Variants in SLC4A4 observed in about 807,000 individuals in gnomAD.
The protein encoded by SLC4A4 is solute carrier family 4 member 4, also known as electrogenic sodium bicarbonate cotransporter 1.
A neutral mutation model predicts 111.5 loss-of-function variants in SLC4A4; 27 were observed. The ratio of observed to expected loss-of-function variants is 0.24; its 90% CI spans 0.18 to 0.33. The LOEUF is 0.33. Ranked by LOEUF, SLC4A4 falls within the 10% of genes least tolerant of loss-of-function variation. The pLI is 1.00. For missense variants in SLC4A4, 909 were observed against 1,315.5 expected, an observed-to-expected ratio of 0.69 and a Z score of 4.78; for synonymous variants, 443 against 463.4, an observed-to-expected ratio of 0.96 and a Z score of 0.57.
intron 4 of SLC4A4, among the ~76,000 whole-genome samples, chr4:71,343,918 G>C (rs1380030989): frequency 6.6e-6 from 1 of 151,792 alleles, no homozygotes; most frequent in Non-Finnish European, 1.5e-5. Flanking sequence ...TGTCTTCCCT[G>C]AACCCCCACA....
chr4:71,438,926 A>G (rs1238587091), intron 7 of SLC4A4, among the ~76,000 whole-genome samples: 1 of 152,112 alleles, frequency 6.6e-6, no homozygotes, highest in Non-Finnish European at 1.5e-5. Context: ...ATTTGATGGA[A>G]TCTTTTCACT....
chr4:71,089,607 C>T (rs997292865), intron 1 of SLC4A4, among the ~76,000 whole-genome samples: 7 of 151,988 alleles, frequency 4.6e-5, no homozygotes, highest in Non-Finnish European at 1.0e-4. Flanking sequence ...GTTAGTTTTC[C>T]TTCTAACAGT....
At chr4:71,356,450 A>G (rs1350211571) in intron 5 of SLC4A4, among the ~76,000 whole-genome samples, 1 of 152,220 alleles carries the variant, frequency 6.6e-6, no homozygotes, top group Non-Finnish European at 1.5e-5. Context: ...AGAAAAGACT[A>G]CAACATAATT....
chr4:71,370,637 A>C (rs1189983284), intron 6 of SLC4A4, among the ~76,000 whole-genome samples: 2 of 152,244 alleles, frequency 1.3e-5, no homozygotes, highest in Non-Finnish European at 2.9e-5. Context: ...GTGAGAATTA[A>C]ATTAGAAATA....
At chr4:71,086,183 A>G (rs1295393554) in intron 1 of SLC4A4, among the ~76,000 whole-genome samples, 4 of 151,604 alleles carry the variant, frequency 2.6e-5, no homozygotes, top group Middle Eastern at 3.4e-3. Context: ...ATGGGAGTTC[A>G]CTCATGATTT....
At chr4:71,136,048 G>A (rs537076321) in intron 2 of SLC4A4, among the ~76,000 whole-genome samples, 1 of 152,188 alleles carries the variant, frequency 6.6e-6, no homozygotes, top group African/African-American at 2.4e-5. Context: ...AGAACCATAA[G>A]AGCTTAAACA....
chr4:71,520,298 C>T (rs1732810130), intron 16 of SLC4A4, among the ~76,000 whole-genome samples: 1 of 152,084 alleles, frequency 6.6e-6, no homozygotes, highest in Non-Finnish European at 1.5e-5. Context: ...CATTTTTAAA[C>T]ATTTGTATGA....
At chr4:71,486,119 A>G (rs1475235611) in intron 14 of SLC4A4, among the ~76,000 whole-genome samples, 1 of 151,550 alleles carries the variant, frequency 6.6e-6, no homozygotes, top group East Asian at 1.9e-4. Flanking sequence ...AATAATTAAA[A>G]ACCCTGATGT....
intron 24 of SLC4A4, 97 bp from the exon 25 acceptor site, chr4:71,566,907 T>TA (rs1737522175): frequency 2.2e-6 from 2 of 908,590 alleles, no homozygotes; most frequent in South Asian, 2.8e-5. Flanking sequence ...TTTTTACTCT[T>TA]ACCAGTTATG....
chr4:71,079,062 G>T (rs973790090), intron 1 of SLC4A4, among the ~76,000 whole-genome samples: 1 of 152,048 alleles, frequency 6.6e-6, no homozygotes, highest in African/African-American at 2.4e-5. Context: ...CAAGTGATCT[G>T]CCCACCTCAG....
At chr4:71,110,741 T>C (rs532774225) in intron 2 of SLC4A4, among the ~76,000 whole-genome samples, 54 of 152,280 alleles carry the variant, frequency 3.5e-4, no homozygotes, top group African/African-American at 1.3e-3. Context: ...TGTAGGTCAT[T>C]GTATAATATC....
chr4:71,089,339 C>T lies in SLC4A4; in HGVS notation c.-64-3391C>T, dbSNP rs150514339. Among the ~76,000 whole-genome samples, 31 of 151,992 alleles carry T rather than the reference C, an allele frequency of 2.0e-4. 1 individual carries two copies. The highest frequency in any genetic ancestry group is 6.8e-4 in the African/African-American group (28 of 41,358). ...GTTTTTAACTTCTTTGCCATGGGTTCGAACTTCCTCCTTTAGCTTGGTGTA... is the reference window on the plus strand; with the variant it reads ...GTTTTTAACTTCTTTGCCATGGGTTTGAACTTCCTCCTTTAGCTTGGTGTA... On this transcript the variant is annotated intron_variant, in intron 1 of 26. Coordinates refer to the SLC4A4 transcript ENST00000649996.
chr4:71,451,544 G>C (rs753451242), intron 11 of SLC4A4, among the ~76,000 whole-genome samples: 1 of 152,188 alleles, frequency 6.6e-6, no homozygotes, highest in Non-Finnish European at 1.5e-5. Flanking sequence ...TGTGGTGATG[G>C]TTTTATGGGG....
At chr4:71,460,383 A>C (rs889153886) in intron 12 of SLC4A4, among the ~76,000 whole-genome samples, 4 of 152,124 alleles carry the variant, frequency 2.6e-5, no homozygotes, top group South Asian at 2.1e-4. Context: ...TCAAACAAAA[A>C]AAATATTAGA....
intron 20 of SLC4A4, among the ~76,000 whole-genome samples, chr4:71,551,018 G>A (rs985827065): frequency 2.0e-5 from 3 of 151,762 alleles, no homozygotes; most frequent in African/African-American, 7.3e-5. Context: ...AATAACTGGC[G>A]CCCCTGGCTG....
chr4:71,420,868 C>G (rs563322323), intron 7 of SLC4A4, among the ~76,000 whole-genome samples: 1 of 149,972 alleles, frequency 6.7e-6, no homozygotes, highest in Non-Finnish European at 1.5e-5. Context: ...CCGGTACCAG[C>G]CGCTGCAAAA....
intron 6 of SLC4A4, among the ~76,000 whole-genome samples, chr4:71,368,328 G>A (rs1366590210): frequency 2.6e-5 from 4 of 152,128 alleles, no homozygotes; most frequent in Admixed American, 2.6e-4. Flanking sequence ...GTGCACCAAA[G>A]GTTAAAATGT....
At chr4:71,536,491 T>A (rs1411738224) in intron 18 of SLC4A4, among the ~76,000 whole-genome samples, 1 of 128,398 alleles carries the variant, frequency 7.8e-6, no homozygotes, top group Non-Finnish European at 1.7e-5. Context: ...TATATATGTA[T>A]ATATTTATTT....
At chr4:71,388,313 CAG>C (rs916999807) in intron 6 of SLC4A4, among the ~76,000 whole-genome samples, 1 of 152,114 alleles carries the variant, frequency 6.6e-6, no homozygotes, top group Admixed American at 6.5e-5. Flanking sequence ...GAATATGAGA[CAG>C]AGAAAGAGAA....
Sources: gnomAD v4.1 joint callset for allele counts (sites outside exome capture counted in the v4.1 genomes callset) on GRCh38, gnomAD v4.1.1 for gene constraint, MANE v1.5 for transcripts, NCBI Gene and HGNC (gene_info 2026-07-23, HGNC 2026-07-21) for gene names.